Variants in NPAS3 observed in about 807,000 individuals in gnomAD.
NPAS3 encodes the protein neuronal PAS domain protein 3.
A neutral mutation model predicts 73.1 loss-of-function variants in NPAS3; 14 were observed. The ratio of observed to expected loss-of-function variants is 0.19; its 90% CI spans 0.13 to 0.30. The LOEUF is 0.30. NPAS3 is among the 10% of genes least tolerant of loss of function. The pLI, the probability that NPAS3 is intolerant of heterozygous loss-of-function variation, is 1.00. For synonymous variants in NPAS3, 620 were observed against 541.5 expected (o/e 1.14, Z -2.01); for missense variants, 1,096 against 1,250.0 (o/e 0.88, Z 1.86).
intron 3 of NPAS3, among the ~76,000 whole-genome samples, chr14:33,286,240 AT>A (rs2041868436): frequency 6.6e-6 from 1 of 152,018 alleles, no homozygotes; most frequent in Non-Finnish European, 1.5e-5. Context: ...ATAGATCAAT[AT>A]TTTTCCTACT....
At chr14:33,664,172 T>C (rs1444447713) in intron 5 of NPAS3, among the ~76,000 whole-genome samples, 1 of 152,128 alleles carries the variant, frequency 6.6e-6, no homozygotes, top group Admixed American at 6.5e-5. Context: ...AAAACAGATA[T>C]ACAGACCACT....
At chr14:33,709,415 C>A (rs753704897) in intron 6 of NPAS3, among the ~76,000 whole-genome samples, 2 of 152,194 alleles carry the variant, frequency 1.3e-5, no homozygotes, top group Non-Finnish European at 2.9e-5. Context: ...ACTTCCCGCC[C>A]CCATTCTCCC....
At chr14:33,793,118 C>G (rs1161174197) in intron 9 of NPAS3, among the ~76,000 whole-genome samples, 2 of 152,212 alleles carry the variant, frequency 1.3e-5, no homozygotes, top group African/African-American at 2.4e-5. Flanking sequence ...TTTTAAAGCT[C>G]TCTTTCAGTG....
chr14:33,490,029 C>CT (rs1219770890), intron 4 of NPAS3, among the ~76,000 whole-genome samples: 1 of 152,026 alleles, frequency 6.6e-6, no homozygotes, highest in Non-Finnish European at 1.5e-5. Context: ...TGTTTTGTTG[C>CT]TTTTTGGCTT....
intron 2 of NPAS3, among the ~76,000 whole-genome samples, chr14:33,162,630 C>A (rs1208228548): frequency 1.3e-5 from 2 of 152,068 alleles, no homozygotes; most frequent in African/African-American, 4.8e-5. Context: ...TACTCTCTCT[C>A]CAAAGCTAGC....
intron 4 of NPAS3, among the ~76,000 whole-genome samples, chr14:33,491,770 C>G (rs971711290): frequency 6.6e-6 from 1 of 152,086 alleles, no homozygotes; most frequent in Non-Finnish European, 1.5e-5. Flanking sequence ...GAGTAAATGG[C>G]TAAGCGTATT....
intron 3 of NPAS3, among the ~76,000 whole-genome samples, chr14:33,365,201 CAAAA>C (rs371230319): frequency 2.2e-5 from 1 of 45,070 alleles, no homozygotes; most frequent in African/African-American, 1.1e-4. Flanking sequence ...CCCATAATCT[CAAAA>C]AAAAAAAAAA....
At chr14:33,448,823 T>G (rs141426246) in intron 4 of NPAS3, among the ~76,000 whole-genome samples, 1 of 152,136 alleles carries the variant, frequency 6.6e-6, no homozygotes, top group Admixed American at 6.5e-5. Flanking sequence ...AATAGCAGCA[T>G]ACAAGCATCT....
chr14:33,785,434 C>CAAAAAAAAAAAAAAAAAAAAAAAAAAAA, intron 9 of NPAS3, among the ~76,000 whole-genome samples: 1 of 75,394 alleles, frequency 1.3e-5, no homozygotes, highest in Non-Finnish European at 2.7e-5. Flanking sequence ...GACTCCATCT[C>CAAAAAAAAAAAAAAAAAAAAAAAAAAAA]AAAAAAAAAA....
chr14:33,656,986 A>T (rs1243638528), intron 5 of NPAS3, among the ~76,000 whole-genome samples: 1 of 152,216 alleles, frequency 6.6e-6, no homozygotes, highest in Non-Finnish European at 1.5e-5. Context: ...AGGGTTCATC[A>T]GTAGATGAAT....
At chr14:33,393,036 TTC>T (rs1366784274) in intron 4 of NPAS3, among the ~76,000 whole-genome samples, 17 of 152,184 alleles carry the variant, frequency 1.1e-4, no homozygotes, top group Non-Finnish European at 2.1e-4. Flanking sequence ...TGAGAAATTT[TTC>T]TCTCTCTAGA....
chr14:33,013,306 A>C (rs527799243), intron 1 of NPAS3, among the ~76,000 whole-genome samples: 1 of 152,260 alleles, frequency 6.6e-6, no homozygotes, highest in Admixed American at 6.5e-5. Context: ...TTCTCTTATA[A>C]AGGTTTTAAA....
chr14:33,458,092 A>T (rs1157683191), intron 4 of NPAS3, among the ~76,000 whole-genome samples: 1 of 152,218 alleles, frequency 6.6e-6, no homozygotes, highest in Non-Finnish European at 1.5e-5. Context: ...TGAATATTGT[A>T]GCAAGACCAC....
At chr14:33,372,512 G>T (rs1047294188) in intron 4 of NPAS3, among the ~76,000 whole-genome samples, 3 of 152,134 alleles carry the variant, frequency 2.0e-5, no homozygotes, top group Non-Finnish European at 4.4e-5. Context: ...CGTGTTTGTA[G>T]GCAGGGCCAA....
At chr14:33,142,761 C>T (rs1399936632) in intron 2 of NPAS3, among the ~76,000 whole-genome samples, 1 of 152,132 alleles carries the variant, frequency 6.6e-6, no homozygotes, top group Non-Finnish European at 1.5e-5. Context: ...TATATTTGTT[C>T]ATGCATTCCT....
intron 3 of NPAS3, among the ~76,000 whole-genome samples, chr14:33,270,293 G>GAGTGATTGACCC (rs1370698168): frequency 6.6e-6 from 1 of 152,160 alleles, no homozygotes; most frequent in African/African-American, 2.4e-5. Context: ...GCTGGGGAAT[G>GAGTGATTGACCC]AGTGATTGAC....
chr14:33,571,754 G>C (rs2056224549), intron 5 of NPAS3, among the ~76,000 whole-genome samples: 1 of 152,168 alleles, frequency 6.6e-6, no homozygotes, highest in Non-Finnish European at 1.5e-5. Flanking sequence ...CAACTTTTAT[G>C]ATCAAATATT....
At chr14:33,419,267 G>C (rs1008109482) in intron 4 of NPAS3, among the ~76,000 whole-genome samples, 6 of 151,950 alleles carry the variant, frequency 3.9e-5, no homozygotes, top group African/African-American at 1.2e-4. Context: ...GCTAACATTA[G>C]AGAAGAGACA....
intron 4 of NPAS3, among the ~76,000 whole-genome samples, chr14:33,519,010 G>C (rs760745535): frequency 6.6e-6 from 1 of 151,970 alleles, no homozygotes; most frequent in Admixed American, 6.6e-5. Flanking sequence ...TCCCAACCTG[G>C]TAGACTTTCT....
Sources: allele counts gnomAD v4.1 joint callset (sites outside exome capture counted in the v4.1 genomes callset), GRCh38; gene constraint gnomAD v4.1.1; transcripts MANE v1.5; gene names NCBI Gene and HGNC (gene_info 2026-07-23, HGNC 2026-07-21).